Variants in EPHB1 observed in about 807,000 individuals in gnomAD.
EPHB1 encodes the protein ephrin type-B receptor 1.
A neutral mutation model predicts 94.4 loss-of-function variants in EPHB1; 30 were observed. The observed-to-expected ratio is 0.32, with a 90% CI of 0.24 to 0.43. The LOEUF is 0.43. Among genes scored for constraint, EPHB1 ranks in the 20% least tolerant of loss-of-function variants. EPHB1 has a pLI of 1.00. For synonymous variants in EPHB1, 522 were observed against 489.1 expected, an observed-to-expected ratio of 1.07 and a Z score of -0.89; for missense variants, 1,055 against 1,308.3, an observed-to-expected ratio of 0.81 and a Z score of 2.99.
chr3:135,022,049 G>T (rs1479770540), intron 3 of EPHB1, among the ~76,000 whole-genome samples: 1 of 152,094 alleles, frequency 6.6e-6, no homozygotes, highest in Admixed American at 6.5e-5. Context: ...GCACGATCTC[G>T]GCTCACTGCA....
chr3:134,975,468 G>T lies in EPHB1; in HGVS notation c.805+23416G>T, dbSNP rs1196549649. Among the ~76,000 whole-genome samples the T allele has an allele frequency of 3.9e-5, 6 of 152,202 alleles. No homozygotes were observed. In the East Asian group the frequency reaches 1.2e-3, roughly 29 times the overall value. On this transcript the variant is annotated intron_variant, in intron 3 of 15. Transcript: ENST00000398015. ...AAGAATAGTGGTGGGAATTTGCTGT[G>T]GGGGGCCACAGCTCCTGACACTCTG... is the stretch of plus-strand genomic sequence containing the variant.
intron 1 of EPHB1, among the ~76,000 whole-genome samples, chr3:134,907,617 C>T (rs1431880442): frequency 1.3e-5 from 2 of 152,144 alleles, no homozygotes; most frequent in South Asian, 2.1e-4. Context: ...GATTAACTGC[C>T]TCCCGTGAAG....
chr3:135,055,336 C>T (rs540514100), intron 3 of EPHB1, among the ~76,000 whole-genome samples: 104 of 152,324 alleles, frequency 6.8e-4, no homozygotes, highest in African/African-American at 2.3e-3. Flanking sequence ...ATCATAACAC[C>T]GGCTCACATC....
chr3:134,895,266 G>A (rs915507943), intron 1 of EPHB1, among the ~76,000 whole-genome samples: 9 of 152,156 alleles, frequency 5.9e-5, no homozygotes, highest in Admixed American at 2.6e-4. Flanking sequence ...GATCCACACC[G>A]TCTTGATCTT....
chr3:135,021,457 G>A (rs1231884658), intron 3 of EPHB1, among the ~76,000 whole-genome samples: 2 of 151,750 alleles, frequency 1.3e-5, no homozygotes, highest in Admixed American at 1.3e-4. Context: ...GCTATTGTGA[G>A]TGGATTTCTA....
intron 2 of EPHB1, among the ~76,000 whole-genome samples, chr3:134,930,228 A>G (rs2038878438): frequency 6.6e-6 from 1 of 152,174 alleles, no homozygotes; most frequent in Middle Eastern, 3.2e-3. Flanking sequence ...AAGGGGTTGG[A>G]CCACTCACCT....
At chr3:134,823,343 G>T (rs1171360205) in intron 1 of EPHB1, among the ~76,000 whole-genome samples, 3 of 152,148 alleles carry the variant, frequency 2.0e-5, no homozygotes, top group Non-Finnish European at 4.4e-5. Flanking sequence ...ACAATGAGGG[G>T]AGCAAAGTCC....
chr3:135,111,438 C>T (rs1413471642), intron 4 of EPHB1, among the ~76,000 whole-genome samples: 5 of 152,050 alleles, frequency 3.3e-5, no homozygotes, highest in African/African-American at 4.8e-5. Context: ...AGGAGAAAGG[C>T]CATTGGGTGA....
intron 12 of EPHB1, among the ~76,000 whole-genome samples, chr3:135,239,157 C>T (rs975467493): frequency 3.3e-4 from 50 of 152,314 alleles, no homozygotes; most frequent in African/African-American, 1.1e-3. Context: ...CCACCATCCT[C>T]AGGGGAAATT....
At chr3:134,982,269 T>C (rs181732104) in intron 3 of EPHB1, among the ~76,000 whole-genome samples, 1 of 152,106 alleles carries the variant, frequency 6.6e-6, no homozygotes, top group South Asian at 2.1e-4. Context: ...CATCCAGTGA[T>C]TTCTGATCAT....
In EPHB1 at chr3:135,251,953, T is replaced by C. The variant is rs1395588941; in HGVS notation, c.2846+2462T>C. 2.0e-5 allele frequency among the ~76,000 whole-genome samples: 3 copies of C among 152,344 alleles called. No homozygotes were observed. In the East Asian group the frequency reaches 5.8e-4, roughly 29 times the overall value. On this transcript the variant is annotated intron_variant, in intron 15 of 15. Coordinates refer to ENST00000398015, the MANE Select transcript of EPHB1 (RefSeq NM_004441.5). ...TGTATTTGAACACTAGCTCCACCACTGCTTACCTACTGTGTGACCTTGAGC... is the reference window on the plus strand; with the variant it reads ...TGTATTTGAACACTAGCTCCACCACCGCTTACCTACTGTGTGACCTTGAGC...
chr3:135,195,458 A>G (rs1013494903), intron 11 of EPHB1, among the ~76,000 whole-genome samples: 1 of 151,598 alleles, frequency 6.6e-6, no homozygotes, highest in East Asian at 1.9e-4. Flanking sequence ...AGCATTAGGT[A>G]TATCTCCCAA....
intron 12 of EPHB1, among the ~76,000 whole-genome samples, chr3:135,208,292 TGTGTGTGTGTGTGTGTGTGTGTGTG>T (rs1942953075): frequency 2.8e-5 from 3 of 109,048 alleles, no homozygotes; most frequent in East Asian, 2.2e-4. Context: ...TTTCATGACG[TGTGTGTGTGTGTGTGTGTGTGTGTG>T]TGTGTGTGTG....
intron 3 of EPHB1, among the ~76,000 whole-genome samples, chr3:135,097,444 C>T (rs1395785232): frequency 1.3e-5 from 2 of 152,144 alleles, no homozygotes; most frequent in Admixed American, 1.3e-4. Context: ...CCATCAGGAC[C>T]TCAGTGTCTG....
At chr3:134,877,977 T>TG (rs2037651967) in intron 1 of EPHB1, among the ~76,000 whole-genome samples, 1 of 152,210 alleles carries the variant, frequency 6.6e-6, no homozygotes, top group Admixed American at 6.5e-5. Context: ...ACACAGTCCC[T>TG]GGGAGCGGTG....
intron 1 of EPHB1, among the ~76,000 whole-genome samples, chr3:134,923,979 T>C (rs1358449791): frequency 6.6e-6 from 1 of 152,216 alleles, no homozygotes; most frequent in Admixed American, 6.5e-5. Flanking sequence ...GTCTGTTCCC[T>C]TGATACATAT....
intron 3 of EPHB1, among the ~76,000 whole-genome samples, chr3:134,959,727 C>T (rs1030164903): frequency 7.9e-5 from 12 of 152,024 alleles, no homozygotes; most frequent in Non-Finnish European, 1.3e-4. Context: ...CTGAGGCTCA[C>T]CAGGGAAGAA....
At chr3:135,246,111 G>T (rs924885795) in intron 13 of EPHB1, among the ~76,000 whole-genome samples, 1 of 152,140 alleles carries the variant, frequency 6.6e-6, no homozygotes, top group Admixed American at 6.5e-5. Context: ...AATGATCTGA[G>T]CAGAGATGCC....
intron 3 of EPHB1, among the ~76,000 whole-genome samples, chr3:135,006,246 T>G (rs548399596): frequency 6.6e-6 from 1 of 152,268 alleles, no homozygotes; most frequent in South Asian, 2.1e-4. Context: ...GAAGGACAAA[T>G]ATTGTATGAT....
Sources: gnomAD v4.1 joint callset for allele counts (sites outside exome capture counted in the v4.1 genomes callset) on GRCh38, gnomAD v4.1.1 for gene constraint, MANE v1.5 for transcripts, NCBI Gene and HGNC (gene_info 2026-07-23, HGNC 2026-07-21) for gene names.